Variants in ABAT observed in about 807,000 individuals in gnomAD.
ABAT encodes 4-aminobutyrate aminotransferase, mitochondrial.
Under a neutral mutation model 64.6 loss-of-function variants are expected in ABAT, and 45 were observed. That is an observed-to-expected ratio of 0.70 (90% CI 0.55 to 0.89). The LOEUF (loss-of-function observed/expected upper bound fraction) is 0.89, where lower values mean the gene tolerates loss of function less well. ABAT is among the 40% of genes least tolerant of loss of function. The pLI is 0.00. For missense variants in ABAT, 633 were observed against 658.4 expected (o/e 0.96, Z 0.42); for synonymous variants, 297 against 250.5 (o/e 1.19, Z -1.75).
intron 1 of ABAT, among the ~76,000 whole-genome samples, chr16:8,676,293 C>CA (rs2057200740): frequency 6.6e-6 from 1 of 152,084 alleles, no homozygotes; most frequent in Non-Finnish European, 1.5e-5. Flanking sequence ...CACAGAGGCA[C>CA]AAAAGGGGAA....
chr16:8,753,890 T>G (rs1297810651), intron 5 of ABAT, among the ~76,000 whole-genome samples: 1 of 151,972 alleles, frequency 6.6e-6, no homozygotes, highest in East Asian at 1.9e-4. Flanking sequence ...TAGCAGAAAG[T>G]CTCCCCTGGG....
chr16:8,768,067 CT>C, intron 9 of ABAT, 125 bp from the exon 10 acceptor site: 1 of 1,020,300 alleles, frequency 9.8e-7, no homozygotes, highest in Non-Finnish European at 1.5e-6. Flanking sequence ...CCATGGGTAA[CT>C]TTTGCCTGAG....
chr16:8,732,795 C>T lies in ABAT; in HGVS notation c.-41-2904C>T, dbSNP rs1384277919. On this transcript the variant is annotated intron_variant, in intron 1 of 15. Coordinates refer to ENST00000268251, the MANE Select transcript of ABAT (RefSeq NM_020686.6). ...GGGGCTCCTCACTTCCCAGTAGGGGCGGCCGGGCAGAGGCGCCCCTCACCT... is the reference window on the plus strand; with the variant it reads ...GGGGCTCCTCACTTCCCAGTAGGGGTGGCCGGGCAGAGGCGCCCCTCACCT... 1.3e-4 allele frequency among the ~76,000 whole-genome samples: 19 copies of T among 148,872 alleles called. 1 individual carries two copies. Among genetic ancestry groups the T allele is most frequent in the East Asian group, 6.0e-4 (3 of 4,968 alleles).
At chr16:8,717,188 G>A (rs189584158) in intron 1 of ABAT, among the ~76,000 whole-genome samples, 80 of 152,244 alleles carry the variant, frequency 5.3e-4, no homozygotes, top group African/African-American at 1.8e-3. Context: ...TACTCGGGAG[G>A]CTGAGGCAGG....
chr16:8,724,746 CA>C (rs869130725), intron 1 of ABAT, among the ~76,000 whole-genome samples: 8 of 6,566 alleles, frequency 1.2e-3, no homozygotes, highest in African/African-American at 3.6e-3. Flanking sequence ...AAAAAAAAAA[CA>C]AAAAAAAAAA....
intron 2 of ABAT, chr16:8,738,347 A>C (rs2059044219): frequency 2.2e-6 from 1 of 449,952 alleles, no homozygotes; most frequent in African/African-American, 2.0e-5. Context: ...TTTTAAAGAC[A>C]CTAAGAAACT....
At chr16:8,714,012 A>T (rs2058141869) in intron 1 of ABAT, 4 of 429,048 alleles carry the variant, frequency 9.3e-6, no homozygotes, top group Non-Finnish European at 1.9e-5. Flanking sequence ...ACCCTTGTGC[A>T]TCTGTGTACA....
intron 1 of ABAT, among the ~76,000 whole-genome samples, chr16:8,720,414 C>G (rs912608424): frequency 6.6e-6 from 1 of 152,232 alleles, no homozygotes; most frequent in African/African-American, 2.4e-5. Context: ...TTTCCAAGAA[C>G]AGTATTTCTG....
At chr16:8,771,606 G>A (rs1442134951) in intron 11 of ABAT, among the ~76,000 whole-genome samples, 5 of 151,914 alleles carry the variant, frequency 3.3e-5, no homozygotes, top group Admixed American at 6.6e-5. Flanking sequence ...GTAGCTGGGA[G>A]TACAGGCGTG....
At chr16:8,711,700 T>TTGGATGGATGGA in intron 1 of ABAT, among the ~76,000 whole-genome samples, 1 of 45,136 alleles carries the variant, frequency 2.2e-5, no homozygotes, top group East Asian at 1.2e-3. Flanking sequence ...GGATGGATGA[T>TTGGATGGATGGA]TGGATGGATG....
At chr16:8,723,356 G>C (rs1338816938) in intron 1 of ABAT, among the ~76,000 whole-genome samples, 1 of 152,196 alleles carries the variant, frequency 6.6e-6, no homozygotes, top group Non-Finnish European at 1.5e-5. Context: ...GGGATATACT[G>C]GAACCCTGGG....
chr16:8,732,548 A>C (rs372135966), intron 1 of ABAT, among the ~76,000 whole-genome samples: 4 of 151,792 alleles, frequency 2.6e-5, no homozygotes, highest in Admixed American at 1.3e-4. Flanking sequence ...GTAAGGTCAC[A>C]GATCAACAGG....
At chr16:8,751,746 G>A (rs1285236663) in intron 5 of ABAT, among the ~76,000 whole-genome samples, 1 of 152,166 alleles carries the variant, frequency 6.6e-6, no homozygotes, top group Non-Finnish European at 1.5e-5. Context: ...ACAGCAGCTG[G>A]AAAACGGTGA....
At chr16:8,675,892 G>A (rs1301726897) in intron 1 of ABAT, among the ~76,000 whole-genome samples, 1 of 152,188 alleles carries the variant, frequency 6.6e-6, no homozygotes, top group East Asian at 1.9e-4. Flanking sequence ...ACCCCCGCAA[G>A]CGCCTGTGGA....
intron 1 of ABAT, among the ~76,000 whole-genome samples, chr16:8,681,737 G>A (rs1231015698): frequency 2.0e-5 from 3 of 151,382 alleles, no homozygotes; most frequent in Admixed American, 6.6e-5. Flanking sequence ...TGCCTCCCGG[G>A]TTCAAGCGAT....
At chr16:8,761,950 T>C (rs971891611) in intron 6 of ABAT, among the ~76,000 whole-genome samples, 4 of 151,864 alleles carry the variant, frequency 2.6e-5, no homozygotes, top group African/African-American at 7.2e-5. Flanking sequence ...TTATGATTTC[T>C]TTTTTCTTCT....
chr16:8,685,016 G>A (rs1246519666), intron 1 of ABAT, among the ~76,000 whole-genome samples: 1 of 152,164 alleles, frequency 6.6e-6, no homozygotes, highest in Admixed American at 6.5e-5. Context: ...CAGGCATGGT[G>A]GTTCATGCCT....
intron 1 of ABAT, among the ~76,000 whole-genome samples, chr16:8,717,670 T>C (rs975350069): frequency 1.3e-5 from 2 of 152,188 alleles, no homozygotes; most frequent in Admixed American, 1.3e-4. Flanking sequence ...TTCCTTTCTC[T>C]CTTAAGATAG....
intron 1 of ABAT, among the ~76,000 whole-genome samples, chr16:8,684,326 GC>G (rs2057403406): frequency 6.6e-6 from 1 of 152,228 alleles, no homozygotes; most frequent in African/African-American, 2.4e-5. Flanking sequence ...CAATCCCAGC[GC>G]TTTGAGAGGC....
Sources: gnomAD v4.1 joint callset for allele counts (sites outside exome capture counted in the v4.1 genomes callset) on GRCh38, gnomAD v4.1.1 for gene constraint, MANE v1.5 for transcripts, NCBI Gene and HGNC (gene_info 2026-07-23, HGNC 2026-07-21) for gene names.